The following CCNY variants were observed in gnomAD, a reference collection of about 807,000 sequenced individuals.
CCNY encodes cyclin Y, also known as cyclin-Y.
In CCNY, 19 loss-of-function variants were observed where a neutral mutation model predicts 42.8. That is an observed-to-expected ratio of 0.44 (90% CI 0.31 to 0.65). The LOEUF (loss-of-function observed/expected upper bound fraction) is 0.65, where lower values mean the gene tolerates loss of function less well. Ranked by LOEUF, CCNY falls within the 30% of genes least tolerant of loss-of-function variation. The pLI, the probability that CCNY is intolerant of heterozygous loss-of-function variation, is 0.07. For missense variants in CCNY, 370 were observed against 437.3 expected (o/e 0.85, Z 1.37); for synonymous variants, 165 against 162.7 (o/e 1.01, Z -0.11).
chr10:35,561,259 G>A (rs546256059), intron 8 of CCNY, among the ~76,000 whole-genome samples: 83 of 152,300 alleles, frequency 5.4e-4, no homozygotes, highest in African/African-American at 1.9e-3. Context: ...CCTGAGGGTG[G>A]GGTGGGAGGC....
Position 35,288,755 on chromosome 10 carries a change from T to C in CCNY, c.-9+38129T>C, listed in dbSNP as rs1589018299. ...AGGAATATCTTCTCTCCATTCAGTTTTACCTTTAATCTCTGTTGGAAATCA... is the reference window on the plus strand; with the variant it reads ...AGGAATATCTTCTCTCCATTCAGTTCTACCTTTAATCTCTGTTGGAAATCA... On this transcript the variant is annotated intron_variant, in intron 3 of 11. Coordinates refer to the CCNY transcript ENST00000374706. Among the ~76,000 whole-genome samples the C allele has an allele frequency of 2.6e-5, 4 of 152,330 alleles. No individual in the cohort carries two copies. The Middle Eastern group carries it at 0.01, about 389-fold the overall frequency.
chr10:35,444,925 G>A (rs1366627879), intron 1 of CCNY, among the ~76,000 whole-genome samples: 1 of 152,158 alleles, frequency 6.6e-6, no homozygotes, highest in East Asian at 1.9e-4. Flanking sequence ...GGAAATGAGA[G>A]GAGCTTCCAA....
In CCNY at chr10:35,571,078, C is replaced by CTA. The variant is rs1841676460; in HGVS notation, c.*1913_*1914dup. On this transcript the variant is annotated 3_prime_UTR_variant, in exon 10 of 10. Coordinates refer to ENST00000374704, the MANE Select transcript of CCNY (RefSeq NM_145012.6). ...AAAATATCATTTTATATTCCCTAATCTATATAGCTGAAAAAGGGTTGTATT... is the reference window on the plus strand; with the variant it reads ...AAAATATCATTTTATATTCCCTAATCTATATATAGCTGAAAAAGGGTTGTATT... 1 of 152,184 alleles carries CTA rather than the reference C, an allele frequency of 6.6e-6. No individual in the cohort carries two copies. The highest frequency in any genetic ancestry group is 2.1e-4 in the South Asian group (1 of 4,828). The allele number at this position is 152,184 out of a possible 1,614,324, so 9.4% of individuals were successfully genotyped here. A position where few individuals can be genotyped will look rare whatever the true frequency, so the allele number is the denominator to read the frequency against.
rs542334168 is a variant in CCNY, at chr10:35,418,087, G to A, written c.155-65317G>A. On this transcript the variant is annotated intron_variant, in intron 1 of 9. Coordinates refer to ENST00000374704, the MANE Select transcript of CCNY (RefSeq NM_145012.6). Reference sequence around the variant, plus strand: ...TATAAAGTGGGGTTTATGCTGCAAAGTAGAAACTGAATCATTTAGCTTCAA... The same window carrying A: ...TATAAAGTGGGGTTTATGCTGCAAAATAGAAACTGAATCATTTAGCTTCAA... 4.6e-5 allele frequency among the ~76,000 whole-genome samples: 7 copies of A among 152,324 alleles called. No individual in the cohort carries two copies. In the South Asian group the frequency reaches 1.2e-3, roughly 27 times the overall value.
chr10:35,273,394 G>A (rs1013582499), intron 3 of CCNY, among the ~76,000 whole-genome samples: 5 of 151,766 alleles, frequency 3.3e-5, no homozygotes, highest in Non-Finnish European at 5.9e-5. Flanking sequence ...TAGTAGAGAT[G>A]GGGTTTCATC....
At chr10:35,339,097 C>T (rs980958654) in intron 1 of CCNY, among the ~76,000 whole-genome samples, 6 of 152,204 alleles carry the variant, frequency 3.9e-5, no homozygotes, top group African/African-American at 1.2e-4. Context: ...AGTGCCCTCT[C>T]ATCCCAGATC....
chr10:35,330,005 GT>G (rs1216289172), intron 3 of CCNY, among the ~76,000 whole-genome samples: 1 of 152,174 alleles, frequency 6.6e-6, no homozygotes, highest in Non-Finnish European at 1.5e-5. Flanking sequence ...ACAGAGACAA[GT>G]ACGTTAATAC....
intron 1 of CCNY, among the ~76,000 whole-genome samples, chr10:35,457,280 C>T (rs1372096442): frequency 6.6e-6 from 1 of 152,146 alleles, no homozygotes; most frequent in African/African-American, 2.4e-5. Context: ...GTGAGGATGG[C>T]ACCCTCATTA....
chr10:35,283,696 C>T (rs1055815196), intron 3 of CCNY, among the ~76,000 whole-genome samples: 1 of 152,190 alleles, frequency 6.6e-6, no homozygotes, highest in Non-Finnish European at 1.5e-5. Flanking sequence ...AGCCACTGCG[C>T]CCAGCCGGTA....
intron 1 of CCNY, among the ~76,000 whole-genome samples, chr10:35,426,140 C>A (rs1838265900): frequency 7.4e-6 from 1 of 135,352 alleles, no homozygotes; most frequent in African/African-American, 3.1e-5. Flanking sequence ...CACACACACA[C>A]ACACACACAC....
At chr10:35,399,130 C>T (rs1291423596) in intron 1 of CCNY, among the ~76,000 whole-genome samples, 3 of 152,248 alleles carry the variant, frequency 2.0e-5, no homozygotes, top group Non-Finnish European at 4.4e-5. Context: ...CACATGGTTT[C>T]TTCCCACATT....
intron 2 of CCNY, among the ~76,000 whole-genome samples, chr10:35,496,267 T>C (rs1006540298): frequency 2.0e-5 from 3 of 152,240 alleles, no homozygotes; most frequent in African/African-American, 7.2e-5. Context: ...TGTCATTCTG[T>C]TTTTAAATGG....
At chr10:35,332,656 G>A (rs553665863), upstream of CCNY, among the ~76,000 whole-genome samples, 94 of 152,296 alleles carry the variant, frequency 6.2e-4, no homozygotes, top group Non-Finnish European at 1.2e-3. Flanking sequence ...CCAGGCTGGA[G>A]TGCAGTGGCA....
chr10:35,407,058 G>A (rs1837795624), intron 1 of CCNY, among the ~76,000 whole-genome samples: 1 of 152,196 alleles, frequency 6.6e-6, no homozygotes, highest in Non-Finnish European at 1.5e-5. Context: ...TTGAGTTTTT[G>A]TATTTGATGA....
At chr10:35,386,725 G>T (rs1406773202) in intron 1 of CCNY, among the ~76,000 whole-genome samples, 1 of 152,230 alleles carries the variant, frequency 6.6e-6, no homozygotes, top group African/African-American at 2.4e-5. Flanking sequence ...TTCAAATGAG[G>T]CATTTACAGT....
chr10:35,374,587 G>T (rs976522003), intron 1 of CCNY, among the ~76,000 whole-genome samples: 1 of 152,218 alleles, frequency 6.6e-6, no homozygotes, highest in Non-Finnish European at 1.5e-5. Context: ...GCAGTTGCAG[G>T]TGGGATATGG....
intron 3 of CCNY, among the ~76,000 whole-genome samples, chr10:35,318,131 G>A (rs1589033525): frequency 6.6e-6 from 1 of 152,106 alleles, no homozygotes; most frequent in South Asian, 2.1e-4. Flanking sequence ...AGGAGGCTAA[G>A]GTGGGAACAT....
chr10:35,548,443 C>T (rs142168749), intron 7 of CCNY, among the ~76,000 whole-genome samples: 3 of 151,876 alleles, frequency 2.0e-5, no homozygotes, highest in East Asian at 1.9e-4. Context: ...GGATCACAGG[C>T]GCGTACACCA....
At position 35,289,770 on chromosome 10, in the gene CCNY, G is replaced by A. The variant is rs540663488; in HGVS notation, c.-9+39144G>A. Among the ~76,000 whole-genome samples, 7 of 151,412 alleles carry A rather than the reference G, an allele frequency of 4.6e-5. No homozygotes were observed. In the East Asian group the frequency reaches 1.2e-3, roughly 25 times the overall value. On this transcript the variant is annotated intron_variant, in intron 3 of 11. Coordinates refer to the CCNY transcript ENST00000374706. ...GTGCCTGTAGTTCCAGCTACTTGGG[G>A]ATCTGAGGCAGGAGAATCACTTGAA...
Sources: gnomAD v4.1 joint callset for allele counts (sites outside exome capture counted in the v4.1 genomes callset) on GRCh38, gnomAD v4.1.1 for gene constraint, MANE v1.5 for transcripts, NCBI Gene and HGNC (gene_info 2026-07-23, HGNC 2026-07-21) for gene names.